Variants in MORC2 observed in about 807,000 individuals in gnomAD.
MORC2 encodes the protein MORC family CW-type zinc finger 2.
In MORC2, 30 loss-of-function variants were observed where a neutral mutation model predicts 136.0. The observed-to-expected ratio is 0.22, with a 90% CI of 0.17 to 0.30. MORC2 has a LOEUF of 0.30. Among genes scored for constraint, MORC2 ranks in the 10% least tolerant of loss-of-function variants. The pLI, the probability that MORC2 is intolerant of heterozygous loss-of-function variation, is 1.00. For synonymous variants in MORC2, 439 were observed against 487.0 expected, an observed-to-expected ratio of 0.90 and a Z score of 1.30; for missense variants, 922 against 1,333.1, an observed-to-expected ratio of 0.69 and a Z score of 4.80.
rs183084852 is a variant in MORC2 at position 30,931,338 on chromosome 22, A to G, written c.2841+1021T>C. On this transcript the variant is annotated intron_variant, in intron 24 of 25. Coordinates refer to ENST00000397641, the MANE Select transcript of MORC2 (RefSeq NM_001303256.3). ...GGTTGCTTTCGTGCTATAATGGCAG[A>G]GTTGCCACAGAGACTGTATAGCCTG... Among the ~76,000 whole-genome samples, 75 of 152,346 alleles carry G rather than the reference A, an allele frequency of 4.9e-4. 1 individual carries two copies. In the East Asian group the frequency reaches 7.7e-3, roughly 16 times the overall value.
intron 1 of MORC2, chr22:30,963,111 G>C (rs1452359797): frequency 1.3e-5 from 2 of 157,402 alleles, no homozygotes; most frequent in Non-Finnish European, 2.7e-5. Flanking sequence ...AGCTAGCTGG[G>C]ACTACAGGAG....
chr22:30,967,466 AGG>A, intron 1 of MORC2: 1 of 1,033,580 alleles, frequency 9.7e-7, no homozygotes, highest in Non-Finnish European at 1.2e-6. Flanking sequence ...GTCACTACAG[AGG>A]GGAAACGGTT....
In MORC2 at chr22:30,929,659, GCTGAGGCAGGAGA is replaced by G. The variant is rs997779310; in HGVS notation, c.2842-1465_2842-1453del. Among the ~76,000 whole-genome samples, 319 of 152,270 alleles carry G rather than the reference GCTGAGGCAGGAGA, an allele frequency of 2.1e-3. 3 individuals carry two copies. The highest frequency in any genetic ancestry group is 7.4e-3 in the African/African-American group (309 of 41,564). On this transcript the variant is annotated intron_variant, in intron 24 of 25. Coordinates refer to ENST00000397641, the MANE Select transcript of MORC2 (RefSeq NM_001303256.3). ...GCTACTCAGGAGGCTGAGGCAGGAGGCTGAGGCAGGAGAATGGTGTGAACCCGGGAGGCAGAGC... is the reference window on the plus strand; with the variant it reads ...GCTACTCAGGAGGCTGAGGCAGGAGGATGGTGTGAACCCGGGAGGCAGAGC...
chr22:30,943,858 C>T (rs935475349), intron 6 of MORC2, among the ~76,000 whole-genome samples: 24 of 152,340 alleles, frequency 1.6e-4, no homozygotes, highest in African/African-American at 5.5e-4. Flanking sequence ...CAACCTCCGC[C>T]TCCTGGGTTC....
chr22:30,934,216 G>A lies in MORC2; in HGVS notation c.2194-25C>T, dbSNP rs751894983. 17 of 1,613,846 alleles carry A rather than the reference G, an allele frequency of 1.1e-5. No homozygotes were observed. The South Asian group carries it at 1.9e-4, about 18-fold the overall frequency. On this transcript the variant is annotated intron_variant, in intron 19 of 25. Coordinates refer to ENST00000397641, the MANE Select transcript of MORC2 (RefSeq NM_001303256.3). This position sits in a 1 kb window ranked among gnomAD's most constrained non-coding sequence, Gnocchi z 4.4. ...CCTAGAGCAAGAGGAGCGTGAGGATGTGAGGGGCCCTGTTCAGCCTCTAAG... is the reference window on the plus strand; with the variant it reads ...CCTAGAGCAAGAGGAGCGTGAGGATATGAGGGGCCCTGTTCAGCCTCTAAG...
intron 6 of MORC2, among the ~76,000 whole-genome samples, chr22:30,946,097 A>G (rs1224885359): frequency 2.0e-5 from 3 of 152,198 alleles, no homozygotes; most frequent in Admixed American, 1.3e-4. Flanking sequence ...GCCACTTGAC[A>G]GTCTCATTCT....
In MORC2 at chr22:30,953,319, T is replaced by A. The variant is rs979444530; in HGVS notation, c.158-2874A>T. On this transcript the variant is annotated intron_variant, in intron 3 of 25. Coordinates refer to ENST00000397641, the MANE Select transcript of MORC2 (RefSeq NM_001303256.3). ...AAAGTAAGAGAAGGCAAAGCCGAAC[T>A]GCCTGCTTTGCAGCTGTGCTTCATA... 4.6e-5 allele frequency among the ~76,000 whole-genome samples: 7 copies of A among 152,360 alleles called. No individual in the cohort carries two copies. In the East Asian group the frequency reaches 1.2e-3, roughly 25 times the overall value.
chr22:30,940,503 A>G (rs554087121), intron 10 of MORC2, among the ~76,000 whole-genome samples: 1 of 152,312 alleles, frequency 6.6e-6, no homozygotes, highest in Non-Finnish European at 1.5e-5. Context: ...GGATTCTTCA[A>G]TTGGGATAAG....
Position 30,941,662 on chromosome 22 carries a change from A to G in MORC2, c.699-104T>C. ...GGCTCTCCACCTTTCCATGTTAGGT[A>G]CTGACTTCTGCTGCTGCCCTGAACT... On this transcript the variant is annotated intron_variant, in intron 8 of 25. Coordinates refer to ENST00000397641, the MANE Select transcript of MORC2 (RefSeq NM_001303256.3). The surrounding 1 kb of genome is among the most constrained non-coding windows in gnomAD (Gnocchi z 4.6). 6.8e-7 allele frequency: 1 copy of G among 1,464,670 alleles called. No homozygotes were observed. The highest frequency in any genetic ancestry group is 1.3e-5 in the South Asian group (1 of 77,020). 90.7% of individuals were successfully genotyped at this position (1,464,670 alleles called of 1,614,324 possible).
chr22:30,950,353 C>CCAAAAAAAAA, intron 4 of MORC2, 24 bp downstream of exon 4: 16 of 1,481,910 alleles, frequency 1.1e-5, no homozygotes, highest in African/African-American at 1.4e-5. Flanking sequence ...CCCCACCCCC[C>CCAAAAAAAAA]AAAACAATAA....
intron 6 of MORC2, among the ~76,000 whole-genome samples, chr22:30,944,961 C>T (rs377660782): frequency 7.2e-5 from 11 of 152,340 alleles, no homozygotes; most frequent in African/African-American, 2.4e-4. Flanking sequence ...GATACTGGCA[C>T]ATCCTTGCTT....
At chr22:30,939,023 C>T (rs1012563412) in intron 12 of MORC2, among the ~76,000 whole-genome samples, 3 of 152,156 alleles carry the variant, frequency 2.0e-5, no homozygotes, top group Admixed American at 2.0e-4. Flanking sequence ...AAACCCATGC[C>T]TGTGCCAAGG....
chr22:30,938,530 C>T (rs943306514), intron 12 of MORC2, among the ~76,000 whole-genome samples: 6 of 152,256 alleles, frequency 3.9e-5, no homozygotes, highest in African/African-American at 1.4e-4. Flanking sequence ...ACCAGGTTAT[C>T]GTCATACCTT....
At position 30,928,034 on chromosome 22, in the gene MORC2, C is replaced by T. The variant is rs765411579; in HGVS notation, c.3015G>A (p.Leu1005=). The T allele has an allele frequency of 6.2e-7, 1 of 1,613,496 alleles. No homozygotes were observed. The highest frequency in any genetic ancestry group is 1.1e-5 in the South Asian group (1 of 91,058). Residue 1005 remains leucine, a synonymous_variant, in exon 25 of 26, where the codon CTG becomes CTA. Coordinates refer to ENST00000397641, the MANE Select transcript of MORC2 (RefSeq NM_001303256.3). ...QKLRTNIVAL[L]QKVQEDIDIN... is the part of the protein sequence containing the mutation. ...CCGGGCTCACCTCCTGCACCTTTTG[C>T]AGGAGTGCCACGATGTTGGTCCTCA...
intron 1 of MORC2, among the ~76,000 whole-genome samples, chr22:30,961,643 G>A (rs1002841040): frequency 2.6e-5 from 4 of 152,178 alleles, no homozygotes; most frequent in Non-Finnish European, 5.9e-5. Flanking sequence ...TAGTAAGTAT[G>A]AGACCACATC....
chr22:30,960,881 T>C (rs1000960567), intron 1 of MORC2, among the ~76,000 whole-genome samples: 1 of 151,546 alleles, frequency 6.6e-6, no homozygotes, highest in African/African-American at 2.4e-5. Context: ...TTTTTTTGTT[T>C]TGAGACAGAG....
rs145082139 is a variant in MORC2 at position 30,936,155 on chromosome 22, G to T, written c.1737+356C>A. Among the ~76,000 whole-genome samples the T allele has an allele frequency of 1.4e-3, 212 of 152,248 alleles. 1 individual carries two copies. The Middle Eastern group carries it at 0.02, about 15-fold the overall frequency. ...TATTTCTATTAAAAAATATATGTGTGTTATGTGTAGGTATTCATGAGTTCA... is the reference window on the plus strand; with the variant it reads ...TATTTCTATTAAAAAATATATGTGTTTTATGTGTAGGTATTCATGAGTTCA... On this transcript the variant is annotated intron_variant, in intron 17 of 25. Coordinates refer to ENST00000397641, the MANE Select transcript of MORC2 (RefSeq NM_001303256.3).
At chr22:30,945,760 A>C (rs1430535424) in intron 6 of MORC2, among the ~76,000 whole-genome samples, 1 of 152,190 alleles carries the variant, frequency 6.6e-6, no homozygotes, top group Non-Finnish European at 1.5e-5. Flanking sequence ...AGCAGTAATC[A>C]CTGGGGCTGT....
rs1419401476 is a variant in MORC2, at chr22:30,925,995, C to G, written c.*808G>C. 1.3e-5 allele frequency: 2 copies of G among 152,602 alleles called. No individual in the cohort carries two copies. Among genetic ancestry groups the G allele is most frequent in the Non-Finnish European group, 2.9e-5 (2 of 68,276 alleles). 9.5% of individuals were successfully genotyped at this position (152,602 alleles called of 1,614,324 possible). ...CACCCACACATGGAGGTCACCAGCT[C>G]AGCCCCAGGGGTTCTTTCACACACA... On this transcript the variant is annotated 3_prime_UTR_variant, in exon 26 of 26. Coordinates refer to ENST00000397641, the MANE Select transcript of MORC2 (RefSeq NM_001303256.3).
Sources: allele counts gnomAD v4.1 joint callset (sites outside exome capture counted in the v4.1 genomes callset), GRCh38; gene constraint gnomAD v4.1.1; non-coding constraint Gnocchi (gnomAD v3.1); transcripts MANE v1.5; gene names NCBI Gene and HGNC (gene_info 2026-07-23, HGNC 2026-07-21).